Variants in NRXN1 observed in about 807,000 individuals in gnomAD.
NRXN1 encodes neurexin 1.
In NRXN1, 39 loss-of-function variants were observed where a neutral mutation model predicts 150.9. The ratio of observed to expected loss-of-function variants is 0.26; its 90% CI spans 0.20 to 0.34. The LOEUF is 0.34. Among genes scored for constraint, NRXN1 ranks in the 10% least tolerant of loss-of-function variants. NRXN1 has a pLI of 1.00. For synonymous variants in NRXN1, 924 were observed against 757.0 expected (o/e 1.22, Z -3.62); for missense variants, 1,815 against 1,949.9 (o/e 0.93, Z 1.30).
chr2:50,612,228 G>A (rs1678272977), intron 8 of NRXN1, among the ~76,000 whole-genome samples: 1 of 142,404 alleles, frequency 7.0e-6, no homozygotes, highest in Non-Finnish European at 1.5e-5. Flanking sequence ...TAGTATTTAT[G>A]TGTACCTCTT....
intron 18 of NRXN1, among the ~76,000 whole-genome samples, chr2:50,164,614 A>G (rs2059562249): frequency 6.6e-6 from 1 of 152,182 alleles, no homozygotes; most frequent in African/African-American, 2.4e-5. Context: ...TATTAGGACC[A>G]AGAAGAAATA....
At chr2:50,989,974 C>A (rs1343940758) in intron 2 of NRXN1, among the ~76,000 whole-genome samples, 1 of 151,830 alleles carries the variant, frequency 6.6e-6, no homozygotes, top group Admixed American at 6.6e-5. Flanking sequence ...TACATACTTG[C>A]CAGTACTTGA....
chr2:50,474,354 T>C (rs146590578), intron 15 of NRXN1, among the ~76,000 whole-genome samples: 245 of 151,986 alleles, frequency 1.6e-3, no homozygotes, highest in Non-Finnish European at 2.7e-3. Flanking sequence ...AGTAAAGCTT[T>C]CCTACTCCTC....
chr2:50,456,349 G>T (rs75717656), intron 17 of NRXN1, among the ~76,000 whole-genome samples: 2,517 of 152,100 alleles, frequency 0.017, 82 homozygotes, highest in African/African-American at 0.058. Context: ...GATCATTAGG[G>T]TCATTAAAAT....
intron 5 of NRXN1, among the ~76,000 whole-genome samples, chr2:50,727,277 T>A (rs983317751): frequency 4.6e-5 from 7 of 152,224 alleles, no homozygotes; most frequent in Admixed American, 1.3e-4. Context: ...TTATATTTTA[T>A]TCTAAGCAAA....
At chr2:50,100,900 G>T (rs1019073684) in intron 18 of NRXN1, among the ~76,000 whole-genome samples, 1 of 152,020 alleles carries the variant, frequency 6.6e-6, no homozygotes, top group East Asian at 1.9e-4. Flanking sequence ...GAACAAGAAA[G>T]AGGCATTGAC....
At chr2:50,241,196 T>C (rs961976610) in intron 17 of NRXN1, among the ~76,000 whole-genome samples, 3 of 149,508 alleles carry the variant, frequency 2.0e-5, no homozygotes, top group Non-Finnish European at 3.0e-5. Flanking sequence ...ACATCTAGCA[T>C]AGTAAGATTT....
chr2:50,769,582 A>C (rs921312927), intron 5 of NRXN1, among the ~76,000 whole-genome samples: 1 of 152,088 alleles, frequency 6.6e-6, no homozygotes, highest in Non-Finnish European at 1.5e-5. Flanking sequence ...TTCTAGGTTT[A>C]GAGACATTAG....
intron 8 of NRXN1, among the ~76,000 whole-genome samples, chr2:50,590,557 T>C (rs1046655621): frequency 1.3e-5 from 2 of 152,074 alleles, no homozygotes; most frequent in African/African-American, 4.8e-5. Context: ...GTGCCCCCTC[T>C]CCACCCATAT....
intron 5 of NRXN1, among the ~76,000 whole-genome samples, chr2:50,910,247 A>G (rs1164605001): frequency 1.3e-5 from 2 of 151,938 alleles, no homozygotes; most frequent in Non-Finnish European, 2.9e-5. Flanking sequence ...TTCCTTTGAA[A>G]ATTAATTTTA....
intron 5 of NRXN1, among the ~76,000 whole-genome samples, chr2:50,796,658 A>C (rs1269390643): frequency 6.6e-6 from 1 of 152,198 alleles, no homozygotes; most frequent in African/African-American, 2.4e-5. Flanking sequence ...GAAGGTGCCA[A>C]GGCATTTATT....
At chr2:50,924,049 A>C (rs1255682980) in intron 3 of NRXN1, among the ~76,000 whole-genome samples, 1 of 151,822 alleles carries the variant, frequency 6.6e-6, no homozygotes, top group African/African-American at 2.4e-5. Context: ...TTATATGCTG[A>C]TAGTGGCTTA....
At chr2:50,825,015 A>G (rs68146308) in intron 5 of NRXN1, among the ~76,000 whole-genome samples, 13,638 of 152,222 alleles carry the variant, frequency 0.09, 716 homozygotes, top group Admixed American at 0.092. Context: ...AAGAAAAGTC[A>G]AAAAATTAGT....
chr2:50,020,473 A>G (rs117885005), intron 21 of NRXN1, among the ~76,000 whole-genome samples: 2 of 152,316 alleles, frequency 1.3e-5, no homozygotes, highest in East Asian at 3.9e-4. Flanking sequence ...CCTACCTGAA[A>G]TTTTGCCAGA....
At chr2:50,387,489 C>G (rs1190246976) in intron 17 of NRXN1, among the ~76,000 whole-genome samples, 1 of 152,102 alleles carries the variant, frequency 6.6e-6, no homozygotes, top group African/African-American at 2.4e-5. Context: ...CATTATGTCT[C>G]CTTAACAACA....
chr2:50,393,359 T>C (rs2081862340), intron 17 of NRXN1, among the ~76,000 whole-genome samples: 2 of 152,080 alleles, frequency 1.3e-5, no homozygotes, highest in South Asian at 4.1e-4. Flanking sequence ...GTCATTTAAT[T>C]TATCTGCTTG....
intron 18 of NRXN1, among the ~76,000 whole-genome samples, chr2:50,132,931 C>T (rs187150926): frequency 6.7e-6 from 1 of 149,112 alleles, no homozygotes; most frequent in Admixed American, 6.7e-5. Context: ...TCATAAGAGA[C>T]ATCTTCCTTT....
At chr2:50,382,112 A>T (rs2081014756) in intron 17 of NRXN1, among the ~76,000 whole-genome samples, 1 of 143,232 alleles carries the variant, frequency 7.0e-6, no homozygotes, top group Non-Finnish European at 1.6e-5. Context: ...AGGAAGTTGT[A>T]AGAAAGACCT....
intron 5 of NRXN1, among the ~76,000 whole-genome samples, chr2:50,806,282 T>C (rs1262238598): frequency 6.6e-6 from 1 of 152,156 alleles, no homozygotes; most frequent in African/African-American, 2.4e-5. Flanking sequence ...AAATTACAGT[T>C]AAGAAATGTT....
Sources: allele counts gnomAD v4.1 joint callset (sites outside exome capture counted in the v4.1 genomes callset), GRCh38; gene constraint gnomAD v4.1.1; transcripts MANE v1.5; gene names NCBI Gene and HGNC (gene_info 2026-07-23, HGNC 2026-07-21).